Variants in POMGNT1 observed in about 807,000 individuals in gnomAD.
The protein encoded by POMGNT1 is protein O-linked-mannose beta-1,2-N-acetylglucosaminyltransferase 1.
In POMGNT1, 67 loss-of-function variants were observed where a neutral mutation model predicts 95.6. The observed-to-expected ratio is 0.70, with a 90% CI of 0.58 to 0.86. POMGNT1 has a LOEUF of 0.86. POMGNT1 is among the 40% of genes least tolerant of loss of function. The pLI, the probability that POMGNT1 is intolerant of heterozygous loss-of-function variation, is 0.00. For synonymous variants in POMGNT1, 298 were observed against 317.9 expected (o/e 0.94, Z 0.66); for missense variants, 719 against 855.2 (o/e 0.84, Z 1.99).
intron 1 of POMGNT1, among the ~76,000 whole-genome samples, chr1:46,215,727 C>G (rs1054122149): frequency 5.3e-5 from 8 of 151,998 alleles, no homozygotes; most frequent in African/African-American, 1.7e-4. Context: ...AGTGAGACCC[C>G]ATCTACAAAA....
intron 14 of POMGNT1, 121 bp from the exon 15 acceptor site, chr1:46,192,711 C>T: frequency 6.3e-7 from 1 of 1,598,660 alleles, no homozygotes. Context: ...CCTCCTTCCC[C>T]CAAATCCCCA....
chr1:46,204,002 G>T (rs934158500), intron 1 of POMGNT1, among the ~76,000 whole-genome samples: 11 of 152,162 alleles, frequency 7.2e-5, no homozygotes, highest in Non-Finnish European at 1.0e-4. Flanking sequence ...AAGGCAACCG[G>T]TTTTTTCTCC....
chr1:46,189,139 A>G lies in POMGNT1; in HGVS notation c.*131T>C. 6.7e-7 allele frequency: 1 copy of G among 1,493,072 alleles called. No individual in the cohort carries two copies. Among genetic ancestry groups the G allele is most frequent in the Admixed American group, 2.5e-5 (1 of 39,998 alleles). The allele number at this position is 1,493,072 out of a possible 1,614,324, so 92.5% of individuals were successfully genotyped here. On this transcript the variant is annotated 3_prime_UTR_variant, in exon 22 of 22. Coordinates refer to ENST00000371984, the MANE Select transcript of POMGNT1 (RefSeq NM_017739.4). ...GGGAACCCTCCCCTTGGAGTTAGTA[A>G]TTAAGTCTCATGTTAAAAACAAGGT...
At chr1:46,189,721 T>C in intron 20 of POMGNT1, 133 bp downstream of exon 20, 3 of 1,551,752 alleles carry the variant, frequency 1.9e-6, no homozygotes, top group Non-Finnish European at 2.6e-6. Context: ...ACAAGGAGGT[T>C]GGAAGAGGTG....
rs1658403807 is a variant in POMGNT1, at chr1:46,198,400, G to C, written c.-115C>G. The C allele has an allele frequency of 6.6e-6, 1 of 151,716 alleles. No homozygotes were observed. The highest frequency in any genetic ancestry group is 2.4e-5 in the African/African-American group (1 of 41,280). The allele number at this position is 151,716 out of a possible 1,614,324, so 9.4% of individuals were successfully genotyped here. A position where few individuals can be genotyped will look rare whatever the true frequency, so the allele number is the denominator to read the frequency against. Reference sequence around the variant, plus strand: ...CCCTCACTGCTCGGCCCGGCTCGCCGCGGCCTCCGCCTCCTCCATGCCGCT... The same window carrying C: ...CCCTCACTGCTCGGCCCGGCTCGCCCCGGCCTCCGCCTCCTCCATGCCGCT... On this transcript the variant is annotated 5_prime_UTR_variant, in exon 1 of 22. Coordinates refer to ENST00000371984, the MANE Select transcript of POMGNT1 (RefSeq NM_017739.4).
At chr1:46,190,323 C>T (rs888049681) in intron 19 of POMGNT1, 150 bp downstream of exon 19, 81 of 1,040,832 alleles carry the variant, frequency 7.8e-5, no homozygotes, top group Non-Finnish European at 1.1e-4. Context: ...GGATTACAGG[C>T]GTGAGCCACC....
intron 17 of POMGNT1, chr1:46,191,883 A>G (rs7519275): frequency 3.4e-6 from 2 of 595,664 alleles, no homozygotes; most frequent in South Asian, 1.8e-5. Context: ...ATCCACCCGC[A>G]TCGGCCTCCC....
At chr1:46,195,629 A>T in intron 6 of POMGNT1, 182 bp downstream of exon 6, 2 of 689,332 alleles carry the variant, frequency 2.9e-6, no homozygotes, top group Non-Finnish European at 5.2e-6. Flanking sequence ...AGTACCTGGC[A>T]TACAGCTGTT....
At chr1:46,192,688 C>A in intron 14 of POMGNT1, 98 bp from the exon 15 acceptor site, 1 of 1,600,740 alleles carries the variant, frequency 6.2e-7, no homozygotes, top group Non-Finnish European at 8.5e-7. Context: ...AGGAGCACCT[C>A]CTTCCTGGAG....
At chr1:46,203,354 G>C (rs1180324079), upstream of POMGNT1, 1 of 1,371,602 alleles carries the variant, frequency 7.3e-7, no homozygotes, top group African/African-American at 1.5e-5. Flanking sequence ...CGCTTTAGCA[G>C]CGGCGAAGGG....
chr1:46,210,725 C>T (rs1284667423), intron 1 of POMGNT1, among the ~76,000 whole-genome samples: 2 of 152,138 alleles, frequency 1.3e-5, no homozygotes, highest in Non-Finnish European at 2.9e-5. Context: ...CTGGGTGCAC[C>T]ACCCTCCATC....
At position 46,196,648 on chromosome 1, in the gene POMGNT1, C is replaced by T; in HGVS notation, c.354+83G>A. 1 of 1,609,708 alleles carries T rather than the reference C, an allele frequency of 6.2e-7. No homozygotes were observed. Among genetic ancestry groups the T allele is most frequent in the Non-Finnish European group, 8.5e-7 (1 of 1,179,608 alleles). On this transcript the variant is annotated intron_variant, in intron 4 of 21. Transcript: ENST00000371984. This position sits in a 1 kb window ranked among gnomAD's most constrained non-coding sequence, Gnocchi z 4.4. ...TAGAAACTGGCAGAGTTGCAGTTCC[C>T]ACTTAGGCAGTAGACCCTGCTGCCA... is the stretch of plus-strand genomic sequence containing the variant.
intron 1 of POMGNT1, among the ~76,000 whole-genome samples, chr1:46,210,684 C>T (rs1053513576): frequency 6.6e-6 from 1 of 152,146 alleles, no homozygotes; most frequent in African/African-American, 2.4e-5. Context: ...GCAAGGCATA[C>T]GGGAAGGGGT....
rs149618010 is a variant in POMGNT1 at position 46,215,151 on chromosome 1, G to A, written c.-51+4554C>T. 4.8e-4 allele frequency among the ~76,000 whole-genome samples: 73 copies of A among 151,086 alleles called. 1 individual carries two copies. Among genetic ancestry groups the A allele is most frequent in the South Asian group, 4.6e-3 (22 of 4,784 alleles). On this transcript the variant is annotated intron_variant, in intron 1 of 22. Transcript: ENST00000371992. ...TGAGGCAGGAGAATGGCGTGAACCC[G>A]GGAGGTGGAGCTTGCAGTAAGCCAA...
intron 1 of POMGNT1, among the ~76,000 whole-genome samples, chr1:46,213,689 C>T (rs1658973953): frequency 6.6e-6 from 1 of 152,106 alleles, no homozygotes; most frequent in Non-Finnish European, 1.5e-5. Flanking sequence ...CACTGCACTC[C>T]AGCCTGGACA....
intron 1 of POMGNT1, among the ~76,000 whole-genome samples, chr1:46,208,841 A>G (rs1658805268): frequency 6.6e-6 from 1 of 152,134 alleles, no homozygotes; most frequent in African/African-American, 2.4e-5. Context: ...ACTCTGTCTC[A>G]AAAAGAGAAA....
chr1:46,220,281 A>C, exon 1 of POMGNT1: 1 of 1,499,026 alleles, frequency 6.7e-7, no homozygotes, highest in Non-Finnish European at 8.9e-7. Context: ...GGTCTCCCCC[A>C]AAATTGATTC....
chr1:46,193,883 C>A lies in POMGNT1; in HGVS notation c.922G>T (p.Ala308Ser), dbSNP rs1397306716. 6.2e-7 allele frequency: 1 copy of A among 1,614,174 alleles called. No homozygotes were observed. Among genetic ancestry groups the A allele is most frequent in the Non-Finnish European group, 8.5e-7 (1 of 1,180,016 alleles). Residue 308 changes from alanine to serine, a missense_variant, in exon 10 of 22, where the codon GCA becomes TCA. By Grantham distance (99) the Ala-to-Ser change is moderately conservative. Transcript: ENST00000371984. ...TACAGGTAATTGGGTCGGTTCCCTG[C>A]AATGACAGCCACAGGCACATTGAGG... ...KVLNVPVAVI[A>S]GNRPNYLYRM... is the part of the protein sequence containing the mutation.
At chr1:46,207,548 T>C (rs12047449) in intron 1 of POMGNT1, among the ~76,000 whole-genome samples, 21,551 of 151,140 alleles carry the variant, frequency 0.14, 1,960 homozygotes, top group South Asian at 0.36. Context: ...TTCTTTCTTT[T>C]TTTTTTTTGA....
Sources: allele counts gnomAD v4.1 joint callset (sites outside exome capture counted in the v4.1 genomes callset), GRCh38; gene constraint gnomAD v4.1.1; non-coding constraint Gnocchi (gnomAD v3.1); transcripts MANE v1.5; gene names NCBI Gene and HGNC (gene_info 2026-07-23, HGNC 2026-07-21).